The following SCN10A variants were observed in gnomAD, a reference collection of about 807,000 sequenced individuals.
SCN10A encodes the protein sodium voltage-gated channel alpha subunit 10, also known as sodium channel protein type 10 subunit alpha.
SCN10A carries 162 observed loss-of-function variants against 170.7 expected under a neutral mutation model. That is an observed-to-expected ratio of 0.95 (90% CI 0.84 to 1.08). The LOEUF is 1.08. SCN10A is among the 50% of genes least tolerant of loss of function. SCN10A has a pLI of 0.00. For synonymous variants in SCN10A, 985 were observed against 904.6 expected (o/e 1.09, Z -1.59); for missense variants, 2,527 against 2,436.9 (o/e 1.04, Z -0.78).
At chr3:38,712,520 C>T in intron 22 of SCN10A, 75 bp from the exon 23 acceptor site, 1 of 1,464,264 alleles carries the variant, frequency 6.8e-7, no homozygotes, top group African/African-American at 1.4e-5. Flanking sequence ...TCTTTCTATA[C>T]TCATTCAGGC....
intron 27 of SCN10A, among the ~76,000 whole-genome samples, chr3:38,699,208 T>C (rs1267848130): frequency 6.6e-6 from 1 of 151,864 alleles, no homozygotes; most frequent in African/African-American, 2.4e-5. Flanking sequence ...GTTTTTTTTT[T>C]TTTTTTTTCG....
Position 38,704,733 on chromosome 3 carries a change from T to C in SCN10A, c.4386+2546A>G, listed in dbSNP as rs140870671. Among the ~76,000 whole-genome samples, 1,241 of 152,156 alleles carry C rather than the reference T, an allele frequency of 8.2e-3. 12 individuals carry two copies. Among genetic ancestry groups the C allele is most frequent in the Middle Eastern group, 0.02 (6 of 294 alleles). On this transcript the variant is annotated intron_variant, in intron 26 of 27. Transcript: ENST00000449082. The stretch of plus-strand genomic sequence containing the variant: ...TTTAGAGCCTGAGCATCATCAGAGG[T>C]GAGAGGAGGTGTGTGAGGCTCCTAT...
At chr3:38,741,287 T>TG (rs2063628610) in intron 14 of SCN10A, among the ~76,000 whole-genome samples, 1 of 119,304 alleles carries the variant, frequency 8.4e-6, no homozygotes, top group Non-Finnish European at 1.7e-5. Flanking sequence ...TGCGTGTGTT[T>TG]GAACACACAC....
rs1467032507 is a variant in SCN10A at position 38,698,308 on chromosome 3, T to G, written c.4912A>C (p.Ile1638Leu). The G allele has an allele frequency of 6.2e-7, 1 of 1,614,146 alleles. No homozygotes were observed. The highest frequency in any genetic ancestry group is 1.3e-5 in the African/African-American group (1 of 75,024). The change falls in exon 28 of 28, where the codon ATC (isoleucine) becomes CTC (leucine). Residue 1638 changes from isoleucine (I) to leucine (L), a missense_variant. Physicochemically the swap from Ile to Leu is conservative, Grantham distance 5. Transcript: ENST00000449082. ...GTCTGGAAGTTGAACATGTCGTCGATGCCAGCCTCCCACCTCACATGGGGA... is the reference window on the plus strand; with the variant it reads ...GTCTGGAAGTTGAACATGTCGTCGAGGCCAGCCTCCCACCTCACATGGGGA... ...SFPHVRWEAGIDDMFNFQTFA... is the reference protein window; with the variant it reads ...SFPHVRWEAGLDDMFNFQTFA...
At chr3:38,722,478 C>T in intron 19 of SCN10A, 66 bp from the exon 20 acceptor site, 10 of 1,544,096 alleles carry the variant, frequency 6.5e-6, no homozygotes, top group East Asian at 4.5e-5. Context: ...TCTGCTCCTG[C>T]TGCAGAGAAA....
intron 20 of SCN10A, among the ~76,000 whole-genome samples, chr3:38,719,611 T>C (rs961107282): frequency 6.6e-6 from 1 of 152,026 alleles, no homozygotes; most frequent in Admixed American, 6.6e-5. Flanking sequence ...GCCGGGATGG[T>C]CTCGATCTCC....
At chr3:38,805,073 G>T (rs1285403204) in intron 1 of SCN10A, among the ~76,000 whole-genome samples, 1 of 152,102 alleles carries the variant, frequency 6.6e-6, no homozygotes, top group Non-Finnish European at 1.5e-5. Context: ...TTGGGATATT[G>T]TTGTGACTGC....
rs887799771 is a variant in SCN10A at position 38,785,553 on chromosome 3, C to T, written c.470+3403G>A. 4.6e-5 allele frequency among the ~76,000 whole-genome samples: 7 copies of T among 152,150 alleles called. No individual in the cohort carries two copies. In the South Asian group the frequency reaches 1.2e-3, roughly 27 times the overall value. ...CCTAGAAGAAAACCTAGGCAATACCCTTCAGGACATAGGCATGGGCAAAGG... is the reference window on the plus strand; with the variant it reads ...CCTAGAAGAAAACCTAGGCAATACCTTTCAGGACATAGGCATGGGCAAAGG... On this transcript the variant is annotated intron_variant, in intron 4 of 27. Coordinates refer to ENST00000449082, the MANE Select transcript of SCN10A (RefSeq NM_006514.4).
rs6798015 is a variant in SCN10A, at chr3:38,757,345, C to T, written c.951-186G>A. 0.7 allele frequency among the ~76,000 whole-genome samples: 106,127 copies of T among 152,094 alleles called. 37,968 individuals carry two copies. The highest frequency in any genetic ancestry group is 0.87 in the African/African-American group (36,011 of 41,530). On this transcript the variant is annotated intron_variant, in intron 8 of 27. Coordinates refer to ENST00000449082, the MANE Select transcript of SCN10A (RefSeq NM_006514.4). ...GTTTCTGTTATCCATAAAACGGGGA[C>T]GCTAATACTTTCACGTCAGAATTTC...
In SCN10A at chr3:38,702,441, T is replaced by C. The variant is rs61533375; in HGVS notation, c.4387-332A>G. ...GTAATCCATCTCTTTTAAGCTCCAC[T>C]TACTGCATGGAGTGTCCCTTAGTCA... On this transcript the variant is annotated intron_variant, in intron 26 of 27. Transcript: ENST00000449082. 3.4e-3 allele frequency among the ~76,000 whole-genome samples: 512 copies of C among 152,324 alleles called. 1 individual carries two copies. Among genetic ancestry groups the C allele is most frequent in the African/African-American group, 0.011 (478 of 41,582 alleles).
chr3:38,753,168 A>C (rs1332090558), intron 11 of SCN10A, among the ~76,000 whole-genome samples: 2 of 152,218 alleles, frequency 1.3e-5, no homozygotes, highest in African/African-American at 4.8e-5. Flanking sequence ...CTCCAAATCA[A>C]TAAACATTTC....
chr3:38,725,127 A>T (rs2063438886), intron 18 of SCN10A, 47 bp downstream of exon 18: 1 of 1,514,880 alleles, frequency 6.6e-7, no homozygotes. Flanking sequence ...CCCACTGCTC[A>T]GTGTCTGGCT....
intron 15 of SCN10A, among the ~76,000 whole-genome samples, chr3:38,730,592 A>G (rs2063504406): frequency 1.3e-5 from 2 of 152,212 alleles, no homozygotes; most frequent in Admixed American, 6.5e-5. Flanking sequence ...AGATAACAGT[A>G]TAATTAGATA....
At chr3:38,804,618 C>T (rs2064394442) in intron 1 of SCN10A, among the ~76,000 whole-genome samples, 1 of 152,040 alleles carries the variant, frequency 6.6e-6, no homozygotes, top group Non-Finnish European at 1.5e-5. Flanking sequence ...AGCTTTTCAC[C>T]TGACACCGAA....
intron 5 of SCN10A, among the ~76,000 whole-genome samples, chr3:38,764,123 C>T (rs2063906207): frequency 6.6e-6 from 1 of 152,330 alleles, no homozygotes; most frequent in East Asian, 1.9e-4. Context: ...CCTGGATACA[C>T]CCATAAGCCC....
intron 4 of SCN10A, among the ~76,000 whole-genome samples, chr3:38,779,984 G>C (rs960402134): frequency 6.6e-6 from 1 of 151,526 alleles, no homozygotes; most frequent in Admixed American, 6.6e-5. Flanking sequence ...CTATTGTTAG[G>C]GAAGGTAGTT....
chr3:38,709,350 G>T lies in SCN10A; in HGVS notation c.4281+128C>A, dbSNP rs1372060200. 5 of 929,538 alleles carry T rather than the reference G, an allele frequency of 5.4e-6. No homozygotes were observed. In the East Asian group the frequency reaches 7.6e-5, roughly 14 times the overall value. The allele number at this position is 929,538 out of a possible 1,614,324, so 57.6% of individuals were successfully genotyped here. ...AACAGCAATCACAGGGCAAGGGTTA[G>T]CACTGATATTAAAGTGATGGGCTGT... On this transcript the variant is annotated intron_variant, in intron 25 of 27. Coordinates refer to ENST00000449082, the MANE Select transcript of SCN10A (RefSeq NM_006514.4).
rs1243691130 is a variant in SCN10A, at chr3:38,701,874, A to G, written c.4622T>C (p.Val1541Ala). ...RQYYFTNGWNVFDFIVVVLSI... is the reference protein window; with the variant it reads ...RQYYFTNGWNAFDFIVVVLSI... The stretch of plus-strand genomic sequence containing the variant: ...GAGAACCACCACAATGAAGTCAAAC[A>G]CATTCCAGCCATTTGTGAAGTAGTA... The change falls in exon 27 of 28, where the codon GTG becomes GCG. Residue 1541 changes from valine (V) to alanine (A), a missense_variant. Coordinates refer to ENST00000449082, the MANE Select transcript of SCN10A (RefSeq NM_006514.4). 8.7e-6 allele frequency: 14 copies of G among 1,613,276 alleles called. No homozygotes were observed. Among genetic ancestry groups the G allele is most frequent in the Non-Finnish European group, 1.2e-5 (14 of 1,179,702 alleles).
chr3:38,771,302 C>T lies in SCN10A; in HGVS notation c.576G>A (p.Leu192=), dbSNP rs772562566. The T allele has an allele frequency of 1.2e-6, 2 of 1,613,942 alleles. No homozygotes were observed. The highest frequency in any genetic ancestry group is 2.2e-5 in the East Asian group (1 of 44,878). ...ACGCCAGGGTAATGACGCTAAAATC[C>T]AGCCAGTTCCAAGGATCTCTCAGGT... ...FTYLRDPWNW[L]DFSVITLAYV... The change falls in exon 5 of 28, where the codon CTG becomes CTA. Residue 192 remains leucine, a synonymous_variant. Transcript: ENST00000449082.
Sources: gnomAD v4.1 joint callset for allele counts (sites outside exome capture counted in the v4.1 genomes callset) on GRCh38, gnomAD v4.1.1 for gene constraint, MANE v1.5 for transcripts, NCBI Gene and HGNC (gene_info 2026-07-23, HGNC 2026-07-21) for gene names.